Variants in RBM18 observed in about 807,000 individuals in gnomAD.
RBM18 encodes the protein RNA binding motif protein 18, also known as probable RNA-binding protein 18.
In RBM18, 18 loss-of-function variants were observed where a neutral mutation model predicts 26.4. The ratio of observed to expected loss-of-function variants is 0.68; its 90% confidence interval spans 0.47 to 1.01. RBM18 has a LOEUF of 1.01. RBM18 is among the 50% of genes least tolerant of loss of function. RBM18 has a pLI of 0.00. For missense variants in RBM18, 180 were observed against 219.2 expected (o/e 0.82, Z 1.13); for synonymous variants, 74 against 81.1 (o/e 0.91, Z 0.47).
intron 1 of RBM18, 131 bp downstream of exon 1, chr9:122,264,584 T>C (rs1395084162): frequency 6.6e-6 from 1 of 152,242 alleles, no homozygotes; most frequent in African/African-American, 2.4e-5. Context: ...TTACTCGGAT[T>C]GTTATTTCCG....
intron 5 of RBM18, chr9:122,243,770 T>C (rs1437246375): frequency 1.0e-6 from 1 of 985,270 alleles, no homozygotes; most frequent in Admixed American, 6.1e-5. Context: ...CCCTCTTCCA[T>C]TAATGCCACA....
chr9:122,247,640 G>T (rs372801429), intron 3 of RBM18, 36 bp from the exon 4 acceptor site: 1 of 1,508,484 alleles, frequency 6.6e-7, no homozygotes, highest in Non-Finnish European at 9.2e-7. Context: ...GTTAAAAACT[G>T]AAATGCTTAA....
chr9:122,249,634 A>G (rs1053384700), intron 3 of RBM18, among the ~76,000 whole-genome samples: 7 of 151,986 alleles, frequency 4.6e-5, no homozygotes, highest in African/African-American at 1.7e-4. Context: ...GCTTGAATCC[A>G]GGAAGTTGAG....
At chr9:122,242,071 G>A in intron 5 of RBM18, 28 bp from the exon 6 acceptor site, 1 of 1,610,982 alleles carries the variant, frequency 6.2e-7, no homozygotes, top group Non-Finnish European at 8.5e-7. Context: ...GAGGATCAGA[G>A]TGGGCCTAGG....
intron 3 of RBM18, among the ~76,000 whole-genome samples, chr9:122,248,162 G>T (rs918778802): frequency 4.0e-4 from 61 of 152,258 alleles, no homozygotes; most frequent in African/African-American, 1.3e-3. Flanking sequence ...TATTTGGCAG[G>T]TCACTTAAGT....
Position 122,243,335 on chromosome 9 carries a change from A to C in RBM18, c.414-1292T>G, listed in dbSNP as rs186214411. 1.2e-3 allele frequency among the ~76,000 whole-genome samples: 186 copies of C among 152,326 alleles called. 1 individual carries two copies. Among genetic ancestry groups the C allele is most frequent in the Non-Finnish European group, 1.9e-3 (132 of 68,034 alleles). The stretch of plus-strand genomic sequence containing the variant: ...GGGTTATCATGCATGTTTTATAGAT[A>C]CAGAAACAAATGCAGAGGTGGTGAT... On this transcript the variant is annotated intron_variant, in intron 5 of 5. Coordinates refer to ENST00000417201, the MANE Select transcript of RBM18 (RefSeq NM_033117.4).
chr9:122,251,822 T>C, intron 3 of RBM18, 25 bp downstream of exon 3: 1 of 1,606,578 alleles, frequency 6.2e-7, no homozygotes, highest in South Asian at 1.1e-5. Context: ...ATAAATATTA[T>C]AAAATGGGGA....
chr9:122,254,931 C>G (rs1198494436), intron 2 of RBM18, among the ~76,000 whole-genome samples: 1 of 152,008 alleles, frequency 6.6e-6, no homozygotes, highest in Admixed American at 6.6e-5. Flanking sequence ...TGATATCTGA[C>G]TGGGTTGTGT....
Position 122,239,224 on chromosome 9 carries a change from G to GTT in RBM18, c.*2658_*2659dup, listed in dbSNP as rs34498348. ...CTGATTTTTGACCTGTTTTGTTTTT[G>GTT]TTTTTTTTGAGACGGTGTCTCACTC... On this transcript the variant is annotated 3_prime_UTR_variant, in exon 6 of 6. Transcript: ENST00000417201. The GTT allele has an allele frequency of 0.21, 32,365 of 151,372 alleles. 3,897 individuals carry two copies. Among genetic ancestry groups the GTT allele is most frequent in the East Asian group, 0.35 (1,825 of 5,148 alleles). The allele number at this position is 151,372 out of a possible 1,614,324, so 9.4% of individuals were successfully genotyped here. A position where few individuals can be genotyped will look rare whatever the true frequency, so the allele number is the denominator to read the frequency against.
rs1831490205 is a variant in RBM18, at chr9:122,245,434, T to C, written c.328-93A>G. On this transcript the variant is annotated intron_variant, in intron 4 of 5. Transcript: ENST00000417201. ...TTCAGAAACTAATACCATCAGTATA[T>C]CATCAGCTTACTTCTAGACAATTTT... The C allele has an allele frequency of 4.2e-5, 30 of 711,008 alleles. No homozygotes were observed. The South Asian group carries it at 4.9e-4, about 12-fold the overall frequency. 44.0% of individuals were successfully genotyped at this position (711,008 alleles called of 1,614,324 possible).
chr9:122,244,422 CG>C (rs1156987687), intron 5 of RBM18, among the ~76,000 whole-genome samples: 1 of 152,170 alleles, frequency 6.6e-6, no homozygotes, highest in African/African-American at 2.4e-5. Context: ...TCCCCTGCCC[CG>C]GAACAGGTTT....
rs1473942858 is a variant in RBM18, at chr9:122,261,296, A to G, written c.113+84T>C. ...AAGTAAAAGGGTCTAAGTATATCCC[A>G]CACCCCTTGAAAATTCTTCTTGACA... On this transcript the variant is annotated intron_variant, in intron 2 of 5. Coordinates refer to ENST00000417201, the MANE Select transcript of RBM18 (RefSeq NM_033117.4). 1.6e-5 allele frequency: 15 copies of G among 910,978 alleles called. No individual in the cohort carries two copies. In the East Asian group the frequency reaches 3.6e-4, roughly 22 times the overall value. 56.4% of individuals were successfully genotyped at this position (910,978 alleles called of 1,614,324 possible). A position where few individuals can be genotyped will look rare whatever the true frequency, so the allele number is the denominator to read the frequency against.
At chr9:122,242,080 G>C in intron 5 of RBM18, 37 bp from the exon 6 acceptor site, 1 of 1,604,200 alleles carries the variant, frequency 6.2e-7, no homozygotes, top group Non-Finnish European at 8.5e-7. Flanking sequence ...AGTGGGCCTA[G>C]GTATATTCAG....
At chr9:122,246,803 C>A (rs1396251396) in intron 4 of RBM18, among the ~76,000 whole-genome samples, 1 of 152,160 alleles carries the variant, frequency 6.6e-6, no homozygotes, top group Non-Finnish European at 1.5e-5. Flanking sequence ...TTTGTGCAGG[C>A]AGGTTTTTCA....
intron 2 of RBM18, among the ~76,000 whole-genome samples, chr9:122,253,878 A>T (rs1831644685): frequency 2.0e-5 from 3 of 151,956 alleles, no homozygotes; most frequent in African/African-American, 4.8e-5. Context: ...ATACAAAAAA[A>T]TTAGCCAAGC....
At position 122,245,291 on chromosome 9, in the gene RBM18, T is replaced by C. The variant is rs763123231; in HGVS notation, c.378A>G (p.Pro126=). 6.2e-7 allele frequency: 1 copy of C among 1,610,930 alleles called. No homozygotes were observed. The highest frequency in any genetic ancestry group is 8.5e-7 in the Non-Finnish European group (1 of 1,177,076). ...ACTGAGTAGGCTCAGTGCTTGAGGA[T>C]GGCTCGAGACTGATTGGAAGAATCT... ...NDKILPISLE[P]SSSTEPTQSN... The change falls in exon 5 of 6, where the codon CCA becomes CCG. Residue 126 remains proline (P), a synonymous_variant. Transcript: ENST00000417201.
At chr9:122,250,431 C>T (rs1023322156) in intron 3 of RBM18, among the ~76,000 whole-genome samples, 2 of 152,114 alleles carry the variant, frequency 1.3e-5, no homozygotes, top group Non-Finnish European at 2.9e-5. Flanking sequence ...TGAAACAACC[C>T]AAATAGCTAA....
intron 1 of RBM18, among the ~76,000 whole-genome samples, chr9:122,263,574 G>A (rs1831874534): frequency 6.6e-6 from 1 of 152,158 alleles, no homozygotes; most frequent in South Asian, 2.1e-4. Context: ...TTTGGAAGGG[G>A]AGCAGGACAA....
At chr9:122,261,190 CTT>C (rs938122484) in intron 2 of RBM18, among the ~76,000 whole-genome samples, 188 bp downstream of exon 2, 1 of 152,062 alleles carries the variant, frequency 6.6e-6, no homozygotes, top group African/African-American at 2.4e-5. Context: ...AGTCTGTGTC[CTT>C]GCAGTAGCAG....
Sources: gnomAD v4.1 joint callset for allele counts (sites outside exome capture counted in the v4.1 genomes callset) on GRCh38, gnomAD v4.1.1 for gene constraint, MANE v1.5 for transcripts, NCBI Gene and HGNC (gene_info 2026-07-23, HGNC 2026-07-21) for gene names.